CCDC40: variants seen among roughly 807,000 people sequenced by gnomAD.
The protein encoded by CCDC40 is coiled-coil domain-containing protein 40.
Under a neutral mutation model 124.5 loss-of-function variants are expected in CCDC40, and 104 were observed. The ratio of observed to expected loss-of-function variants is 0.84; its 90% confidence interval spans 0.71 to 0.98. The LOEUF is 0.98. Ranked by LOEUF, CCDC40 falls within the 50% of genes least tolerant of loss-of-function variation. CCDC40 has a pLI of 0.00. For missense variants in CCDC40, 1,463 were observed against 1,503.9 expected (o/e 0.97, Z 0.45); for synonymous variants, 580 against 602.9 (o/e 0.96, Z 0.56).
intron 10 of CCDC40, among the ~76,000 whole-genome samples, chr17:80,076,906 TG>T (rs1410818890): frequency 6.6e-6 from 1 of 151,974 alleles, no homozygotes; most frequent in Non-Finnish European, 1.5e-5. Flanking sequence ...CCACGACACC[TG>T]GTATTTTTAG....
At position 80,037,711 on chromosome 17, in the gene CCDC40, A is replaced by G. The variant is rs2037152620; in HGVS notation, c.30-412A>G. On this transcript the variant is annotated intron_variant, in intron 1 of 19. Transcript: ENST00000397545. Reference sequence around the variant, plus strand: ...AAAAGATATACATATATATATATATATATATATATTCCTGTGCTACGTAAA... The same window carrying G: ...AAAAGATATACATATATATATATATGTATATATATTCCTGTGCTACGTAAA... Among the ~76,000 whole-genome samples, 4 of 141,530 alleles carry G rather than the reference A, an allele frequency of 2.8e-5. No individual in the cohort carries two copies. The South Asian group carries it at 6.8e-4, about 24-fold the overall frequency. 92.8% of individuals were successfully genotyped at this position (141,530 alleles called of 152,430 possible).
intron 12 of CCDC40, among the ~76,000 whole-genome samples, chr17:80,082,929 G>A (rs764381324): frequency 6.6e-6 from 1 of 152,226 alleles, no homozygotes; most frequent in Non-Finnish European, 1.5e-5. Context: ...GAGTACCCCC[G>A]ACACGATGTT....
At chr17:80,097,815 G>A (rs1235395419) in intron 19 of CCDC40, 3 of 231,152 alleles carry the variant, frequency 1.3e-5, no homozygotes, top group East Asian at 1.1e-4. Context: ...TGGGAGGATC[G>A]CTTGAGCCTG....
At chr17:80,052,904 T>G (rs1374625004) in intron 7 of CCDC40, among the ~76,000 whole-genome samples, 1 of 152,170 alleles carries the variant, frequency 6.6e-6, no homozygotes, top group Non-Finnish European at 1.5e-5. Flanking sequence ...ACGTGAAATT[T>G]AAAAATATAA....
At chr17:80,038,540 A>C (rs2037188742) in intron 2 of CCDC40, among the ~76,000 whole-genome samples, 1 of 148,462 alleles carries the variant, frequency 6.7e-6, no homozygotes, top group South Asian at 2.1e-4. Context: ...AAAAATAAAT[A>C]AATAGGCCGG....
rs748652606 is a variant in CCDC40 at position 80,089,831 on chromosome 17, G to A, written c.2779G>A (p.Glu927Lys). The change falls in exon 17 of 20, where the codon GAG becomes AAG. Residue 927 changes from glutamate (E) to lysine (K), a missense_variant. Coordinates refer to ENST00000397545, the MANE Select transcript of CCDC40 (RefSeq NM_017950.4). ...AGAGATGCGTTCCTCAGTGGATTCC[G>A]AGATCGGCCAGACGGAGATCCGGGC... ...AKEMRSSVDS[E>K]IGQTEIRAMK... is the part of the protein sequence containing the mutation. 7.4e-6 allele frequency: 12 copies of A among 1,614,168 alleles called. No homozygotes were observed. In the East Asian group the frequency reaches 1.3e-4, roughly 18 times the overall value.
intron 12 of CCDC40, 101 bp from the exon 13 acceptor site, chr17:80,084,642 C>T (rs1347526762): frequency 7.0e-7 from 1 of 1,422,406 alleles, no homozygotes; most frequent in African/African-American, 1.4e-5. Flanking sequence ...TGGAATATCT[C>T]CAGAGGAACA....
In CCDC40 at chr17:80,090,401, C is replaced by CAACACGGGACGCGCGCAGGCACGTGCACG. The variant is rs1567814084; in HGVS notation, c.2832+522_2832+523insGGGACGCGCGCAGGCACGTGCACGAACAC. 14 of 774,612 alleles carry CAACACGGGACGCGCGCAGGCACGTGCACG rather than the reference C, an allele frequency of 1.8e-5. 4 individuals are homozygous for CAACACGGGACGCGCGCAGGCACGTGCACG. The highest frequency in any genetic ancestry group is 1.7e-4 in the East Asian group (4 of 23,318). The allele number at this position is 774,612 out of a possible 1,614,324, so 48.0% of individuals were successfully genotyped here. ...AGGACACACACAGCACGTGCATGAA[C>CAACACGGGACGCGCGCAGGCACGTGCACG]AACACAGGACACACACAGCACGTGC... On this transcript the variant is annotated intron_variant, in intron 17 of 19. Coordinates refer to ENST00000397545, the MANE Select transcript of CCDC40 (RefSeq NM_017950.4).
chr17:80,037,684 A>T (rs1461114610), intron 1 of CCDC40, among the ~76,000 whole-genome samples: 3 of 21,058 alleles, frequency 1.4e-4, no homozygotes, highest in Non-Finnish European at 1.9e-4. Context: ...TTAATTTTTT[A>T]AAAAAGATAT....
intron 16 of CCDC40, 190 bp from the exon 17 acceptor site, chr17:80,089,574 A>C: frequency 1.5e-5 from 5 of 341,746 alleles, no homozygotes; most frequent in Middle Eastern, 6.7e-4. Flanking sequence ...TGTATGCCAG[A>C]GGTTGGCAAA....
Position 80,039,983 on chromosome 17 carries a change from G to A in CCDC40, c.265G>A (p.Ala89Thr). 2.5e-6 allele frequency: 4 copies of A among 1,614,100 alleles called. No individual in the cohort carries two copies. Among genetic ancestry groups the A allele is most frequent in the Non-Finnish European group, 3.4e-6 (4 of 1,179,996 alleles). The change falls in exon 3 of 20, where the codon GCT becomes ACT. Residue 89 changes from alanine to threonine, a missense_variant. By Grantham distance (58) the Ala-to-Thr change is moderately conservative. Coordinates refer to ENST00000397545, the MANE Select transcript of CCDC40 (RefSeq NM_017950.4). The part of the protein sequence containing the change: ...GEEEAVSYGD[A>T]ESEEEYYYTE... ...AGAGGAGGCTGTGTCCTATGGAGAT[G>A]CTGAAAGCGAAGAGGAATATTACTA...
At chr17:80,075,334 G>A (rs1259206885) in intron 10 of CCDC40, among the ~76,000 whole-genome samples, 1 of 148,974 alleles carries the variant, frequency 6.7e-6, no homozygotes, top group Admixed American at 6.8e-5. Flanking sequence ...CTGGAGTGCA[G>A]TGGCACGATC....
At chr17:80,038,518 A>G (rs1007983813) in intron 2 of CCDC40, among the ~76,000 whole-genome samples, 6 of 150,014 alleles carry the variant, frequency 4.0e-5, no homozygotes, top group African/African-American at 1.5e-4. Flanking sequence ...GTGACCAGTG[A>G]AACTCTATCT....
At chr17:80,071,532 T>A (rs981484563) in intron 10 of CCDC40, among the ~76,000 whole-genome samples, 1 of 152,232 alleles carries the variant, frequency 6.6e-6, no homozygotes, top group African/African-American at 2.4e-5. Flanking sequence ...CCATCCGTTC[T>A]TTTTGTTTCA....
intron 18 of CCDC40, among the ~76,000 whole-genome samples, chr17:80,096,215 G>A (rs1377009874): frequency 2.6e-5 from 4 of 152,186 alleles, no homozygotes; most frequent in African/African-American, 7.2e-5. Flanking sequence ...TGACAGCATG[G>A]CTTGGAGCCA....
chr17:80,060,019 A>G (rs991909475), intron 9 of CCDC40, among the ~76,000 whole-genome samples: 1 of 152,142 alleles, frequency 6.6e-6, no homozygotes, highest in African/African-American at 2.4e-5. Context: ...GGAACAAACA[A>G]TCCCTTAGTT....
intron 18 of CCDC40, 92 bp downstream of exon 18, chr17:80,095,543 A>C (rs2038796287): frequency 8.0e-7 from 1 of 1,252,358 alleles, no homozygotes; most frequent in Non-Finnish European, 1.1e-6. Context: ...GTCCGGGGTG[A>C]GGATGCAGAG....
intron 4 of CCDC40, 136 bp from the exon 5 acceptor site, chr17:80,048,447 T>C: frequency 2.7e-6 from 2 of 741,252 alleles, no homozygotes; most frequent in Admixed American, 2.0e-5. Flanking sequence ...CCACAGACCG[T>C]TGGGATGCTT....
intron 17 of CCDC40, among the ~76,000 whole-genome samples, chr17:80,093,292 C>T (rs991342938): frequency 6.6e-6 from 1 of 152,190 alleles, no homozygotes; most frequent in African/African-American, 2.4e-5. Context: ...AGCAATTCTC[C>T]TGCCTCAGCC....
Sources: gnomAD v4.1 joint callset for allele counts (sites outside exome capture counted in the v4.1 genomes callset) on GRCh38, gnomAD v4.1.1 for gene constraint, MANE v1.5 for transcripts, NCBI Gene and HGNC (gene_info 2026-07-23, HGNC 2026-07-21) for gene names.